DDX51: variants seen among roughly 807,000 people sequenced by gnomAD.
DDX51 encodes ATP-dependent RNA helicase DDX51.
In DDX51, 67 loss-of-function variants were observed where a neutral mutation model predicts 74.6. That is an observed-to-expected ratio of 0.90 (90% CI 0.74 to 1.10). The LOEUF (loss-of-function observed/expected upper bound fraction) is 1.10. Among genes scored for constraint, DDX51 ranks in the 50% least tolerant of loss-of-function variants. DDX51 has a pLI of 0.00. For missense variants in DDX51, 1,056 were observed against 905.2 expected, an observed-to-expected ratio of 1.17 and a Z score of -2.14; for synonymous variants, 545 against 402.9, an observed-to-expected ratio of 1.35 and a Z score of -4.22.
chr12:132,139,511 C>A (rs1565952678), intron 14 of DDX51, 124 bp downstream of exon 14: 4 of 1,586,266 alleles, frequency 2.5e-6, no homozygotes, highest in Non-Finnish European at 3.5e-6. Flanking sequence ...CGAGGACAAC[C>A]TGTGTGACCC....
chr12:132,142,235 C>T (rs1191527914), intron 4 of DDX51, 42 bp downstream of exon 4: 3 of 1,600,666 alleles, frequency 1.9e-6, no homozygotes, highest in African/African-American at 1.4e-5. Flanking sequence ...GTTACCTGTC[C>T]TCTGCACACC....
chr12:132,144,282 G>T lies in DDX51; in HGVS notation c.15C>A (p.Tyr5Ter), dbSNP rs1565956714. MALF[Y>*]VARYPGPDAA... ...CATCGGGGCCCGGGTACCGCGCGAC[G>T]TAGAACAGCGCCATGGCCAGCCGCA... The change falls in exon 1 of 15, where the codon TAC becomes TAA. Residue 5 changes from tyrosine (Y) to a stop codon, truncating the protein, a stop_gained. Coordinates refer to ENST00000397333, the MANE Select transcript of DDX51 (RefSeq NM_175066.4). LOFTEE classifies it high-confidence loss of function. 4.6e-6 allele frequency: 6 copies of T among 1,309,558 alleles called. No individual in the cohort carries two copies. Among genetic ancestry groups the T allele is most frequent in the Non-Finnish European group, 5.8e-6 (6 of 1,031,544 alleles). The allele number at this position is 1,309,558 out of a possible 1,614,324, so 81.1% of individuals were successfully genotyped here.
At chr12:132,139,984 C>G in intron 12 of DDX51, 60 bp from the exon 13 acceptor site, 3 of 1,610,582 alleles carry the variant, frequency 1.9e-6, no homozygotes, top group Admixed American at 3.3e-5. Context: ...TCTGACGGAA[C>G]GACAGCTTCT....
rs371612714 is a variant in DDX51 at position 132,140,177 on chromosome 12, C to T, written c.1696G>A (p.Ala566Thr). The change falls in exon 12 of 15, where the codon GCG becomes ACG. Residue 566 changes from alanine to threonine, a missense_variant. Ala to Thr is a moderately conservative substitution (Grantham distance 58, BLOSUM62 0). Coordinates refer to ENST00000397333, the MANE Select transcript of DDX51 (RefSeq NM_175066.4). Reference protein sequence around the residue: ...IQLLISTDATARGIDVQGVEL... With the variant: ...IQLLISTDATTRGIDVQGVEL... Reference sequence around the variant, plus strand: ...ACACCCTGCACGTCGATGCCTCGCGCGGTGGCGTCCGTGCTGATGAGCCTG... The same window carrying T: ...ACACCCTGCACGTCGATGCCTCGCGTGGTGGCGTCCGTGCTGATGAGCCTG... The T allele has an allele frequency of 7.4e-6, 12 of 1,612,730 alleles. No individual in the cohort carries two copies. The highest frequency in any genetic ancestry group is 5.5e-5 in the South Asian group (5 of 91,076).
intron 3 of DDX51, 38 bp from the exon 4 acceptor site, chr12:132,142,460 C>G: frequency 1.9e-6 from 3 of 1,592,798 alleles, no homozygotes; most frequent in Non-Finnish European, 2.6e-6. Context: ...CGTGTTTACG[C>G]CTAGGCCTAG....
chr12:132,142,968 G>A (rs939352434), intron 2 of DDX51, 90 bp from the exon 3 acceptor site: 11 of 1,569,390 alleles, frequency 7.0e-6, no homozygotes, highest in Middle Eastern at 3.5e-4. Context: ...GAGGGAGGCT[G>A]GGGAAACCTC....
rs957131733 is a variant in DDX51 at position 132,144,216 on chromosome 12, C to G, written c.81G>C (p.Ala27=). 4.2e-6 allele frequency: 5 copies of G among 1,203,414 alleles called. No homozygotes were observed. In the South Asian group the frequency reaches 1.6e-4, roughly 39 times the overall value. 74.5% of individuals were successfully genotyped at this position (1,203,414 alleles called of 1,614,324 possible). Residue 27 remains alanine (A), a synonymous_variant, in exon 1 of 15, where the codon GCG becomes GCC. Coordinates refer to ENST00000397333, the MANE Select transcript of DDX51 (RefSeq NM_175066.4). The part of the protein sequence containing the change: ...AAGPEGAEAG[A]HGRARALLER... ...CGAGCAGCGCGCGGGCCCTGCCGTG[C>G]GCCCCGGCCTCCGCGCCCTCCGGCC... is the stretch of plus-strand genomic sequence containing the variant.
chr12:132,141,293 T>C lies in DDX51; in HGVS notation c.1232A>G (p.Gln411Arg). ...PCALLQRRQAQAVTAASTCCP... is the reference protein window; with the variant it reads ...PCALLQRRQARAVTAASTCCP... ...TGGATACCTGGCGGCTGTCACAGCC[T>C]GGGCCTGCCTTCGCTGGAGCAGGGC... Residue 411 changes from glutamine to arginine, a missense_variant, in exon 8 of 15, where the codon CAG becomes CGG. By Grantham distance (43) the Gln-to-Arg change is conservative. Coordinates refer to ENST00000397333, the MANE Select transcript of DDX51 (RefSeq NM_175066.4). 6.3e-7 allele frequency: 1 copy of C among 1,596,126 alleles called. No homozygotes were observed. The highest frequency in any genetic ancestry group is 8.5e-7 in the Non-Finnish European group (1 of 1,177,878).
Position 132,143,709 on chromosome 12 carries a change from T to C in DDX51, c.505A>G (p.Arg169Gly). The C allele has an allele frequency of 6.5e-7, 1 of 1,540,646 alleles. No homozygotes were observed. Among genetic ancestry groups the C allele is most frequent in the East Asian group, 2.5e-5 (1 of 39,916 alleles). The change falls in exon 2 of 15, where the codon AGG becomes GGG. Residue 169 changes from arginine to glycine, a missense_variant. Physicochemically the swap from Arg to Gly is moderately radical, Grantham distance 125 (BLOSUM62 -2). Transcript: ENST00000397333. ...CCGAGGCTCACCTTCGGCGCCTTCC[T>C]CTTCCCGAACCCCCCCAGCACCAGG... ...PGLVLGGFGKRKAPKVQPFLP... is the reference protein window; with the variant it reads ...PGLVLGGFGKGKAPKVQPFLP...
rs759410244 is a variant in DDX51, at chr12:132,140,932, G to A, written c.1339C>T (p.His447Tyr). Residue 447 changes from histidine (H) to tyrosine (Y), a missense_variant, in exon 9 of 15, where the codon CAC becomes TAC. Physicochemically the swap from His to Tyr is moderately conservative, Grantham distance 83. Transcript: ENST00000397333. ...CCTGTGGAGAAAAGCCGGGGCTGGTGGAGGCCCAGCTGCTGCAGCTTTTCA... is the reference window on the plus strand; with the variant it reads ...CCTGTGGAGAAAAGCCGGGGCTGGTAGAGGCCCAGCTGCTGCAGCTTTTCA... ...NPEKLQQLGL[H>Y]QPRLFSTGLA... 4.1e-5 allele frequency: 66 copies of A among 1,613,246 alleles called. No individual in the cohort carries two copies. Among genetic ancestry groups the A allele is most frequent in the Non-Finnish European group, 5.2e-5 (61 of 1,179,950 alleles).
intron 12 of DDX51, 79 bp from the exon 13 acceptor site, chr12:132,140,003 C>T (rs1001421656): frequency 1.2e-6 from 2 of 1,607,656 alleles, no homozygotes; most frequent in African/African-American, 2.7e-5. Flanking sequence ...CTCTCCACAC[C>T]AACCCCACCC....
At chr12:132,142,473 C>A (rs750869399) in intron 3 of DDX51, 51 bp from the exon 4 acceptor site, 8 of 1,584,712 alleles carry the variant, frequency 5.0e-6, no homozygotes, top group African/African-American at 1.3e-5. Context: ...AGGCCTAGGC[C>A]TGCCGCTTCC....
rs1023775647 is a variant in DDX51, at chr12:132,142,359, C to A, written c.734G>T (p.Gly245Val). The stretch of plus-strand genomic sequence containing the variant: ...ACAGAGGTCGCTAGGCCGGTAGCCA[C>A]CTCTGCCCACCAGAAACCCACAGGC... ...SAACGFLVGR[G>V]GYRPSDLCVS... Residue 245 changes from glycine to valine, a missense_variant, in exon 4 of 15, where the codon GGT becomes GTT. Coordinates refer to ENST00000397333, the MANE Select transcript of DDX51 (RefSeq NM_175066.4). 2 of 1,612,892 alleles carry A rather than the reference C, an allele frequency of 1.2e-6. No individual in the cohort carries two copies. Among genetic ancestry groups the A allele is most frequent in the African/African-American group, 2.7e-5 (2 of 74,946 alleles).
Position 132,137,587 on chromosome 12 carries a change from T to C in DDX51, c.*1685A>G, listed in dbSNP as rs117794868. The C allele has an allele frequency of 0.025, 3,860 of 152,284 alleles. 136 individuals carry two copies. The highest frequency in any genetic ancestry group is 0.064 in the South Asian group (311 of 4,828). 9.4% of individuals were successfully genotyped at this position (152,284 alleles called of 1,614,324 possible). A position where few individuals can be genotyped will look rare whatever the true frequency, so the allele number is the denominator to read the frequency against. ...TGCCAGTCCCCATCCCAGACATTCT[T>C]TGCATCTAAGCTGAGGTCTGAACTG... On this transcript the variant is annotated 3_prime_UTR_variant, in exon 15 of 15. Coordinates refer to ENST00000397333, the MANE Select transcript of DDX51 (RefSeq NM_175066.4).
chr12:132,141,451 G>A, intron 7 of DDX51, 31 bp from the exon 8 acceptor site: 2 of 1,582,422 alleles, frequency 1.3e-6, no homozygotes, highest in Non-Finnish European at 1.7e-6. Flanking sequence ...GGGACTGGGT[G>A]GCGCGGCCCT....
chr12:132,139,966 T>G (rs1282544386), intron 12 of DDX51, 42 bp from the exon 13 acceptor site: 1 of 1,612,320 alleles, frequency 6.2e-7, no homozygotes, highest in Admixed American at 1.7e-5. Flanking sequence ...CCCCTGAGCC[T>G]TCAAGAGTCT....
rs1897304215 is a variant in DDX51 at position 132,137,721 on chromosome 12, A to T, written c.*1551T>A. On this transcript the variant is annotated 3_prime_UTR_variant, in exon 15 of 15. Transcript: ENST00000397333. The stretch of plus-strand genomic sequence containing the variant: ...TGTTGGCATCATCCACCTTTTTCAA[A>T]CAAAGCACTGGACTGAGAGAATTCA... 6.6e-6 allele frequency: 1 copy of T among 152,192 alleles called. No homozygotes were observed. The highest frequency in any genetic ancestry group is 2.4e-5 in the African/African-American group (1 of 41,432). 9.4% of individuals were successfully genotyped at this position (152,192 alleles called of 1,614,324 possible).
chr12:132,140,204 C>A lies in DDX51; in HGVS notation c.1674-5G>T, dbSNP rs368978932. The A allele has an allele frequency of 5.0e-6, 8 of 1,611,172 alleles. No individual in the cohort carries two copies. In the East Asian group the frequency reaches 1.3e-4, roughly 27 times the overall value. On this transcript the variant is annotated splice_region_variant and splice_polypyrimidine_tract_variant and intron_variant, in intron 11 of 14. Transcript: ENST00000397333. ...GTGGCGTCCGTGCTGATGAGCCTGC[C>A]GGGACACGCAGCATTGTGGGCCCGA...
rs1897316653 is a variant in DDX51, at chr12:132,138,036, G to C, written c.*1236C>G. ...CTCACTCCTTTTTCTCTCCTGGTGT[G>C]GATTTCCCACGTTTTATTCTCCATT... On this transcript the variant is annotated 3_prime_UTR_variant, in exon 15 of 15. Coordinates refer to ENST00000397333, the MANE Select transcript of DDX51 (RefSeq NM_175066.4). The C allele has an allele frequency of 6.6e-6, 1 of 152,222 alleles. No homozygotes were observed. The highest frequency in any genetic ancestry group is 2.1e-4 in the South Asian group (1 of 4,832). 9.4% of individuals were successfully genotyped at this position (152,222 alleles called of 1,614,324 possible).
Sources: gnomAD v4.1 joint callset for allele counts on GRCh38, gnomAD v4.1.1 for gene constraint, MANE v1.5 for transcripts, NCBI Gene and HGNC (gene_info 2026-07-23, HGNC 2026-07-21) for gene names.